CYP4F8: variants seen among roughly 807,000 people sequenced by gnomAD.
The protein encoded by CYP4F8 is cytochrome P450 family 4 subfamily F member 8, also known as cytochrome P450 4F8.
In CYP4F8, 56 loss-of-function variants were observed where a neutral mutation model predicts 55.0. That is an observed-to-expected ratio of 1.02 (90% confidence interval 0.82 to 1.27). CYP4F8 has a LOEUF of 1.27. Among genes scored for constraint, CYP4F8 ranks in the 50% most tolerant of loss-of-function variants. CYP4F8 has a pLI of 0.00. For synonymous variants in CYP4F8, 288 were observed against 267.3 expected, an observed-to-expected ratio of 1.08 and a Z score of -0.76; for missense variants, 680 against 682.4, an observed-to-expected ratio of 1.00 and a Z score of 0.04.
rs1349781185 is a variant in CYP4F8 at position 15,629,304 on chromosome 19, G to T, written c.1509G>T (p.Glu503Asp). ...PDHREPRRTPEIVLRAEDGLW... is the reference protein window; with the variant it reads ...PDHREPRRTPDIVLRAEDGLW... ...ACAGGGAGCCACGCAGGACGCCGGA[G>T]ATTGTTTTGCGTGCGGAGGACGGAC... is the stretch of plus-strand genomic sequence containing the variant. Residue 503 changes from glutamate to aspartate, a missense_variant, in exon 13 of 13, where the codon GAG becomes GAT. Glu to Asp is a conservative substitution (Grantham distance 45). Coordinates refer to ENST00000612078, the MANE Select transcript of CYP4F8 (RefSeq NM_007253.4). The T allele has an allele frequency of 2.5e-6, 4 of 1,613,198 alleles. No individual in the cohort carries two copies. The highest frequency in any genetic ancestry group is 1.7e-5 in the Admixed American group (1 of 59,900).
chr19:15,624,992 C>T (rs984247937), intron 9 of CYP4F8, among the ~76,000 whole-genome samples: 13 of 151,856 alleles, frequency 8.6e-5, no homozygotes, highest in Non-Finnish European at 1.8e-4. Context: ...TTGTCTTGGA[C>T]TTTATTTTTA....
intron 2 of CYP4F8, among the ~76,000 whole-genome samples, chr19:15,617,063 G>A (rs932111633): frequency 6.6e-6 from 1 of 152,182 alleles, no homozygotes; most frequent in East Asian, 1.9e-4. Context: ...AGGGCCTGGG[G>A]CCCCTGAGGC....
chr19:15,615,851 G>A, intron 2 of CYP4F8, 37 bp downstream of exon 2: 2 of 1,559,412 alleles, frequency 1.3e-6, no homozygotes, highest in Admixed American at 1.8e-5. Flanking sequence ...GTCTCAGGGT[G>A]GAAGGGTGGA....
intron 5 of CYP4F8, 73 bp from the exon 6 acceptor site, chr19:15,622,146 C>T (rs1394049115): frequency 1.3e-6 from 2 of 1,543,324 alleles, no homozygotes; most frequent in African/African-American, 2.8e-5. Flanking sequence ...GGAGTCCATC[C>T]TGGTGGTTGG....
At chr19:15,618,715 T>C (rs1229596545) in intron 3 of CYP4F8, 3 of 236,454 alleles carry the variant, frequency 1.3e-5, no homozygotes, top group East Asian at 1.1e-4. Flanking sequence ...TGAGAAGGAG[T>C]TGTGGTTGGT....
rs1015997264 is a variant in CYP4F8 at position 15,615,658 on chromosome 19, G to A, written c.42G>A (p.Val14=). 6.2e-7 allele frequency: 1 copy of A among 1,613,928 alleles called. No homozygotes were observed. The highest frequency in any genetic ancestry group is 1.7e-5 in the Admixed American group (1 of 60,008). Residue 14 remains valine, a synonymous_variant, in exon 2 of 13, where the codon GTG becomes GTA. Coordinates refer to ENST00000612078, the MANE Select transcript of CYP4F8 (RefSeq NM_007253.4). ...LSLSWLGLRP[V]AASPWLLLLV... ...TGTCTTGGCTGGGCCTCAGGCCGGT[G>A]GCAGCATCCCCGTGGCTGCTCCTGC...
At chr19:15,624,178 G>T in intron 9 of CYP4F8, 84 bp downstream of exon 9, 1 of 1,554,610 alleles carries the variant, frequency 6.4e-7, no homozygotes, top group Non-Finnish European at 8.7e-7. Context: ...GGGAAAAGGG[G>T]AGGATCTTTT....
chr19:15,616,926 C>T (rs1372940949), intron 2 of CYP4F8, among the ~76,000 whole-genome samples: 3 of 124,772 alleles, frequency 2.4e-5, no homozygotes, highest in Non-Finnish European at 5.6e-5. Flanking sequence ...TAGCTCTGAG[C>T]TTGATGTGCA....
At chr19:15,618,768 G>T (rs1181961418) in intron 3 of CYP4F8, 1 of 210,492 alleles carries the variant, frequency 4.8e-6, no homozygotes, top group African/African-American at 2.3e-5. Context: ...ACCTCTTGTG[G>T]GTCGATTCCT....
At chr19:15,622,369 TG>T (rs774524107) in intron 6 of CYP4F8, 29 bp downstream of exon 6, 1 of 1,034,026 alleles carries the variant, frequency 9.7e-7, no homozygotes, top group Admixed American at 2.6e-5. Context: ...CCTGGGAACA[TG>T]GGATGGAGTG....
Position 15,628,567 on chromosome 19 carries a change from A to G in CYP4F8, c.1286A>G (p.His429Arg). 2 of 1,613,816 alleles carry G rather than the reference A, an allele frequency of 1.2e-6. No homozygotes were observed. Among genetic ancestry groups the G allele is most frequent in the Non-Finnish European group, 1.7e-6 (2 of 1,179,828 alleles). ...VCNINIFAIHHNPSVWPDPEV... is the reference protein window; with the variant it reads ...VCNINIFAIHRNPSVWPDPEV... ...AACATCAACATCTTCGCAATCCATC[A>G]CAACCCCTCAGTCTGGCCAGACCCT... Residue 429 changes from histidine (H) to arginine (R), a missense_variant, in exon 11 of 13, where the codon CAC (histidine) becomes CGC (arginine). By Grantham distance (29) the His-to-Arg change is conservative. Transcript: ENST00000612078.
intron 3 of CYP4F8, chr19:15,618,669 T>C: frequency 3.8e-6 from 1 of 262,394 alleles, no homozygotes; most frequent in Non-Finnish European, 7.4e-6. Context: ...GGCATTGGCC[T>C]TGTCCTTCTG....
chr19:15,620,150 T>C (rs114847961), intron 5 of CYP4F8, among the ~76,000 whole-genome samples: 1,695 of 152,332 alleles, frequency 0.011, 32 homozygotes, highest in African/African-American at 0.039. Flanking sequence ...CTTCTGCATG[T>C]GGATAGGATC....
chr19:15,628,078 G>T, intron 9 of CYP4F8: 1 of 650,914 alleles, frequency 1.5e-6, no homozygotes, highest in Non-Finnish European at 2.5e-6. Context: ...ACTTTTAAGA[G>T]ACACCCTCTG....
chr19:15,629,134 C>T, intron 12 of CYP4F8, 59 bp from the exon 13 acceptor site: 1 of 1,512,494 alleles, frequency 6.6e-7, no homozygotes, highest in East Asian at 2.4e-5. Context: ...TGGTTCCTGG[C>T]GCAGTGGGGC....
At chr19:15,618,186 T>C in intron 3 of CYP4F8, 42 bp downstream of exon 3, 1 of 1,613,764 alleles carries the variant, frequency 6.2e-7, no homozygotes, top group Non-Finnish European at 8.5e-7. Context: ...AGGAGAACAT[T>C]GGAGGGCTTC....
chr19:15,629,110 G>A (rs1972301774), intron 12 of CYP4F8, 83 bp from the exon 13 acceptor site: 4 of 1,487,118 alleles, frequency 2.7e-6, no homozygotes, highest in East Asian at 4.9e-5. Flanking sequence ...GGGTGGGGTT[G>A]GGGGTTCCGG....
intron 2 of CYP4F8, among the ~76,000 whole-genome samples, chr19:15,616,498 A>G (rs1438151751): frequency 1.3e-5 from 2 of 151,990 alleles, no homozygotes; most frequent in Non-Finnish European, 2.9e-5. Context: ...CACATTATCC[A>G]CTGCTGTACT....
At chr19:15,622,990 G>T (rs1419993063) in intron 6 of CYP4F8, 115 bp from the exon 7 acceptor site, 31 of 1,254,440 alleles carry the variant, frequency 2.5e-5, no homozygotes, top group Non-Finnish European at 3.2e-5. Flanking sequence ...AGTGAAGTGC[G>T]CTTGCAGGAC....
Sources: gnomAD v4.1 joint callset for allele counts (sites outside exome capture counted in the v4.1 genomes callset) on GRCh38, gnomAD v4.1.1 for gene constraint, MANE v1.5 for transcripts, NCBI Gene and HGNC (gene_info 2026-07-23, HGNC 2026-07-21) for gene names.